The following NRG3 variants were observed in gnomAD, a reference collection of about 807,000 sequenced individuals.
The protein encoded by NRG3 is pro-neuregulin-3, membrane-bound isoform.
In NRG3, 31 loss-of-function variants were observed where a neutral mutation model predicts 66.9. That is an observed-to-expected ratio of 0.46 (90% confidence interval 0.35 to 0.63). NRG3 has a LOEUF of 0.63. Ranked by LOEUF, NRG3 falls within the 20% of genes least tolerant of loss-of-function variation. The probability of loss-of-function intolerance (pLI) is 0.00; values close to 1 mark genes in which losing one functional copy is unlikely to be tolerated. For missense variants in NRG3, 910 were observed against 878.9 expected (o/e 1.04, Z -0.45); for synonymous variants, 393 against 359.4 (o/e 1.09, Z -1.06).
chr10:82,497,978 G>A (rs1843768970), intron 2 of NRG3, among the ~76,000 whole-genome samples: 1 of 152,058 alleles, frequency 6.6e-6, no homozygotes. Context: ...GCATATCTCT[G>A]CTGACTAGTG....
At chr10:82,266,195 T>C (rs567099216) in intron 1 of NRG3, among the ~76,000 whole-genome samples, 2 of 152,124 alleles carry the variant, frequency 1.3e-5, no homozygotes, top group Non-Finnish European at 2.9e-5. Flanking sequence ...CCGGGATTGA[T>C]AAAATACAGG....
chr10:82,737,488 T>G (rs927977013), intron 2 of NRG3, among the ~76,000 whole-genome samples: 1 of 152,196 alleles, frequency 6.6e-6, no homozygotes, highest in African/African-American at 2.4e-5. Context: ...TGAATTCTTT[T>G]GTCAATTTCA....
intron 1 of NRG3, among the ~76,000 whole-genome samples, chr10:82,299,541 C>A (rs574498786): frequency 8.1e-6 from 1 of 124,144 alleles, no homozygotes; most frequent in East Asian, 2.4e-4. Context: ...GGGCTCCAAT[C>A]CAGCCCTGTT....
chr10:82,787,609 G>C (rs75638722), intron 3 of NRG3, among the ~76,000 whole-genome samples: 1 of 152,098 alleles, frequency 6.6e-6, no homozygotes, highest in South Asian at 2.1e-4. Flanking sequence ...CCGTCCCCAT[G>C]GGCGTTATCC....
chr10:82,200,041 G>A lies in NRG3; in HGVS notation c.824-158698G>A, dbSNP rs183036041. 5.2e-3 allele frequency among the ~76,000 whole-genome samples: 785 copies of A among 151,886 alleles called. 5 individuals are homozygous for A. Among genetic ancestry groups the A allele is most frequent in the African/African-American group, 0.018 (751 of 41,390 alleles). ...GAAAAATGTACATAATTACACATAG[G>A]GTTGTCATAAGGGTTAAAGTCACTC... is the stretch of plus-strand genomic sequence containing the variant. On this transcript the variant is annotated intron_variant, in intron 1 of 8. Coordinates refer to ENST00000372141, the MANE Select transcript of NRG3 (RefSeq NM_001010848.4).
At chr10:82,800,113 T>C (rs1262329963) in intron 3 of NRG3, among the ~76,000 whole-genome samples, 1 of 152,212 alleles carries the variant, frequency 6.6e-6, no homozygotes, top group Non-Finnish European at 1.5e-5. Context: ...CTGACTCTCT[T>C]GTGCTTGAAT....
intron 2 of NRG3, among the ~76,000 whole-genome samples, chr10:82,531,164 G>A (rs995438551): frequency 1.3e-5 from 2 of 151,568 alleles, no homozygotes; most frequent in Non-Finnish European, 3.0e-5. Flanking sequence ...ATACAATAAT[G>A]TAAATGAAGA....
chr10:82,523,435 T>C (rs1188614440), intron 2 of NRG3, among the ~76,000 whole-genome samples: 1 of 151,742 alleles, frequency 6.6e-6, no homozygotes, highest in Non-Finnish European at 1.5e-5. Flanking sequence ...TTGTTTCTTT[T>C]TTGATTATGG....
chr10:82,865,258 T>C (rs1445934653), intron 3 of NRG3, among the ~76,000 whole-genome samples, 153 bp from the exon 4 acceptor site: 2 of 152,186 alleles, frequency 1.3e-5, no homozygotes, highest in African/African-American at 4.8e-5. Flanking sequence ...TGATCTGTAA[T>C]GTATCTTTTC....
chr10:82,127,099 A>G (rs2068495646), intron 1 of NRG3, among the ~76,000 whole-genome samples: 1 of 152,130 alleles, frequency 6.6e-6, no homozygotes, highest in African/African-American at 2.4e-5. Flanking sequence ...TAACACTTGA[A>G]GGAGATCCAT....
At chr10:81,966,415 A>T (rs1476042778) in intron 1 of NRG3, among the ~76,000 whole-genome samples, 2 of 151,820 alleles carry the variant, frequency 1.3e-5, no homozygotes, top group East Asian at 3.9e-4. Context: ...TTTTAGTATC[A>T]GGGTTAACTG....
chr10:82,204,000 A>G (rs570157759), intron 1 of NRG3, among the ~76,000 whole-genome samples: 1 of 152,296 alleles, frequency 6.6e-6, no homozygotes, highest in Admixed American at 6.5e-5. Context: ...ATGTAAATAA[A>G]ATGCATCAAG....
At chr10:82,344,361 C>A (rs376210977) in intron 1 of NRG3, among the ~76,000 whole-genome samples, 2 of 151,396 alleles carry the variant, frequency 1.3e-5, no homozygotes, top group South Asian at 2.1e-4. Context: ...ATGATTTCCA[C>A]TTTCATCCAT....
At chr10:82,855,042 T>C (rs1319033457) in intron 3 of NRG3, among the ~76,000 whole-genome samples, 1 of 152,138 alleles carries the variant, frequency 6.6e-6, no homozygotes, top group African/African-American at 2.4e-5. Flanking sequence ...GTTCCTCTTC[T>C]AGTATCTTCA....
At chr10:82,697,821 A>G (rs528963480) in intron 2 of NRG3, among the ~76,000 whole-genome samples, 14 of 152,176 alleles carry the variant, frequency 9.2e-5, no homozygotes, top group African/African-American at 3.4e-4. Flanking sequence ...TCAGAAAGTC[A>G]TTAGGAATGT....
At chr10:82,683,678 T>C (rs965245688) in intron 2 of NRG3, among the ~76,000 whole-genome samples, 1 of 152,204 alleles carries the variant, frequency 6.6e-6, no homozygotes, top group South Asian at 2.1e-4. Flanking sequence ...CTTATAGTGA[T>C]AAAAGACACT....
chr10:82,641,860 A>G (rs1001677720), intron 2 of NRG3, among the ~76,000 whole-genome samples: 1 of 152,200 alleles, frequency 6.6e-6, no homozygotes, highest in African/African-American at 2.4e-5. Context: ...TATTAAATGT[A>G]TGTGGTAAGT....
intron 2 of NRG3, among the ~76,000 whole-genome samples, chr10:82,692,509 G>A (rs550558199): frequency 6.6e-6 from 1 of 152,338 alleles, no homozygotes; most frequent in Non-Finnish European, 1.5e-5. Flanking sequence ...AGGATGGAAT[G>A]TATTAAGCCA....
At chr10:82,687,950 G>C (rs1468851963) in intron 2 of NRG3, among the ~76,000 whole-genome samples, 1 of 152,082 alleles carries the variant, frequency 6.6e-6, no homozygotes, top group Admixed American at 6.6e-5. Context: ...GCACACATGA[G>C]TTTCCTAAAC....
Sources: allele counts gnomAD v4.1 joint callset (sites outside exome capture counted in the v4.1 genomes callset), GRCh38; gene constraint gnomAD v4.1.1; transcripts MANE v1.5; gene names NCBI Gene and HGNC (gene_info 2026-07-23, HGNC 2026-07-21).